Variants in EDARADD observed in about 807,000 individuals in gnomAD.
EDARADD encodes ectodysplasin-A receptor-associated adapter protein.
A neutral mutation model predicts 25.6 loss-of-function variants in EDARADD; 20 were observed. The ratio of observed to expected loss-of-function variants is 0.78; its 90% CI spans 0.55 to 1.14. The LOEUF (loss-of-function observed/expected upper bound fraction) is 1.14. Among genes scored for constraint, EDARADD ranks in the 50% most tolerant of loss-of-function variants. The probability of loss-of-function intolerance (pLI) is 0.00; values close to 1 mark genes in which losing one functional copy is unlikely to be tolerated. For missense variants in EDARADD, 225 were observed against 270.1 expected, an observed-to-expected ratio of 0.83 and a Z score of 1.17; for synonymous variants, 86 against 94.4, an observed-to-expected ratio of 0.91 and a Z score of 0.52.
chr1:236,416,932 C>T (rs1484612603), intron 3 of EDARADD, among the ~76,000 whole-genome samples: 1 of 151,920 alleles, frequency 6.6e-6, no homozygotes, highest in Admixed American at 6.6e-5. Flanking sequence ...GGCAACATGG[C>T]GAAACCCCAT....
chr1:236,349,182 A>AT (rs71176490), intron 2 of EDARADD, among the ~76,000 whole-genome samples: 23,272 of 151,254 alleles, frequency 0.15, 2,292 homozygotes, highest in East Asian at 0.43. Flanking sequence ...TGTACTCAAA[A>AT]TTTTTTTTGA....
At chr1:236,424,526 G>T (rs1267482905) in intron 3 of EDARADD, among the ~76,000 whole-genome samples, 2 of 151,954 alleles carry the variant, frequency 1.3e-5, no homozygotes, top group Admixed American at 6.6e-5. Context: ...ATGGTCACTG[G>T]ATATACTTTT....
intron 3 of EDARADD, among the ~76,000 whole-genome samples, chr1:236,374,571 G>T (rs1667205105): frequency 6.6e-6 from 1 of 152,038 alleles, no homozygotes; most frequent in Non-Finnish European, 1.5e-5. Context: ...TTTGCCTTGT[G>T]CATTTTGATG....
At chr1:236,442,539 G>A (rs527611110) in intron 4 of EDARADD, among the ~76,000 whole-genome samples, 6 of 152,298 alleles carry the variant, frequency 3.9e-5, no homozygotes, top group East Asian at 3.9e-4. Context: ...TAATGCAGCC[G>A]ATGACCTTAA....
chr1:236,414,875 G>GA (rs1207454142), intron 3 of EDARADD, among the ~76,000 whole-genome samples: 4 of 151,020 alleles, frequency 2.6e-5, no homozygotes, highest in Admixed American at 1.3e-4. Flanking sequence ...TCAAAAAAAA[G>GA]AAAAAAAAAG....
intron 1 of EDARADD, among the ~76,000 whole-genome samples, chr1:236,405,368 A>G (rs1297698129): frequency 6.6e-6 from 1 of 152,236 alleles, no homozygotes; most frequent in East Asian, 1.9e-4. Context: ...GGGATCTCAC[A>G]GAACTCGGTC....
intron 3 of EDARADD, among the ~76,000 whole-genome samples, chr1:236,416,725 C>G (rs996759034): frequency 2.0e-5 from 3 of 152,072 alleles, no homozygotes; most frequent in African/African-American, 7.2e-5. Flanking sequence ...TGTAAATGAA[C>G]CATGTCTAGA....
chr1:236,361,635 T>TATATATATATA (rs1667051035), intron 3 of EDARADD, among the ~76,000 whole-genome samples: 2 of 134,166 alleles, frequency 1.5e-5, no homozygotes, highest in Non-Finnish European at 3.1e-5. Flanking sequence ...CAGCCAAATT[T>TATATATATATA]TATATATATA....
intron 4 of EDARADD, among the ~76,000 whole-genome samples, chr1:236,459,184 C>A (rs1440884529): frequency 6.6e-6 from 1 of 152,122 alleles, no homozygotes; most frequent in East Asian, 1.9e-4. Flanking sequence ...TGTCCTACAG[C>A]CTGGGATTTG....
chr1:236,418,039 T>C (rs147515225), intron 3 of EDARADD, among the ~76,000 whole-genome samples: 4,967 of 151,290 alleles, frequency 0.033, 236 homozygotes, highest in African/African-American at 0.11. Context: ...CTGCAAGCTC[T>C]GCCTCCCAAG....
intron 4 of EDARADD, among the ~76,000 whole-genome samples, chr1:236,459,875 A>T (rs1232825610): frequency 6.6e-6 from 1 of 151,792 alleles, no homozygotes; most frequent in Non-Finnish European, 1.5e-5. Flanking sequence ...CAGCATCCCA[A>T]AGTGCTGGGA....
At chr1:236,376,951 C>T (rs1667231659) in intron 3 of EDARADD, among the ~76,000 whole-genome samples, 1 of 151,864 alleles carries the variant, frequency 6.6e-6, no homozygotes, top group African/African-American at 2.4e-5. Flanking sequence ...CAGCCATGTC[C>T]AGTCTACTAA....
intron 2 of EDARADD, chr1:236,349,004 A>G (rs1384772766): frequency 2.0e-5 from 3 of 152,202 alleles, no homozygotes; most frequent in Non-Finnish European, 4.4e-5. Flanking sequence ...AACAAGGCCC[A>G]GAAATGTCTC....
At chr1:236,415,627 T>G (rs1283249073) in intron 3 of EDARADD, among the ~76,000 whole-genome samples, 1 of 152,146 alleles carries the variant, frequency 6.6e-6, no homozygotes, top group Non-Finnish European at 1.5e-5. Context: ...GTATTTTTAG[T>G]AGAGGCGGGG....
chr1:236,432,118 A>C (rs1390171675), intron 4 of EDARADD, among the ~76,000 whole-genome samples: 2 of 152,174 alleles, frequency 1.3e-5, no homozygotes, highest in Non-Finnish European at 2.9e-5. Context: ...AACGACATGC[A>C]TAAGCATATG....
chr1:236,379,636 A>T (rs1667274879), intron 3 of EDARADD, among the ~76,000 whole-genome samples: 2 of 150,928 alleles, frequency 1.3e-5, no homozygotes, highest in South Asian at 4.2e-4. Context: ...AAAATTACCC[A>T]GATGTGGTGG....
intron 1 of EDARADD, among the ~76,000 whole-genome samples, chr1:236,405,893 C>CCT (rs1667720873): frequency 2.4e-5 from 1 of 40,990 alleles, no homozygotes; most frequent in African/African-American, 8.3e-5. Context: ...TTCTTTCTTT[C>CCT]TTTCTTTCTT....
intron 4 of EDARADD, among the ~76,000 whole-genome samples, chr1:236,452,893 G>T (rs538620539): frequency 7.2e-5 from 11 of 152,146 alleles, no homozygotes; most frequent in Non-Finnish European, 1.0e-4. Context: ...AGTCTCCGCC[G>T]TATAGCTACG....
chr1:236,415,012 C>T (rs1032628192), intron 3 of EDARADD, among the ~76,000 whole-genome samples: 3 of 149,892 alleles, frequency 2.0e-5, no homozygotes, highest in African/African-American at 5.1e-5. Context: ...GGCAGGATTT[C>T]CCCCCGTGGA....
Sources: allele counts gnomAD v4.1 joint callset (sites outside exome capture counted in the v4.1 genomes callset), GRCh38; gene constraint gnomAD v4.1.1; transcripts MANE v1.5; gene names NCBI Gene and HGNC (gene_info 2026-07-23, HGNC 2026-07-21).